The following CHODL variants were observed in gnomAD, a reference collection of about 807,000 sequenced individuals.
The protein encoded by CHODL is transmembrane protein MT75.
Under a neutral mutation model 34.5 loss-of-function variants are expected in CHODL, and 29 were observed. The observed-to-expected ratio is 0.84, with a 90% CI of 0.63 to 1.15. The LOEUF (loss-of-function observed/expected upper bound fraction) is 1.15. Ranked by LOEUF, CHODL falls within the 50% of genes most tolerant of loss-of-function variation. The probability of loss-of-function intolerance (pLI) is 0.00; values close to 1 mark genes in which losing one functional copy is unlikely to be tolerated. For missense variants in CHODL, 332 were observed against 332.5 expected (o/e 1.00, Z 0.01); for synonymous variants, 125 against 116.1 (o/e 1.08, Z -0.49).
chr21:17,957,263 T>A (rs923658302), intron 1 of CHODL, among the ~76,000 whole-genome samples: 1 of 152,164 alleles, frequency 6.6e-6, no homozygotes, highest in Non-Finnish European at 1.5e-5. Context: ...GTGTCTCATA[T>A]CTAGTTTCAT....
At chr21:18,036,200 C>T (rs1037297893) in intron 2 of CHODL, among the ~76,000 whole-genome samples, 17 of 151,984 alleles carry the variant, frequency 1.1e-4, no homozygotes, top group Admixed American at 2.6e-4. Flanking sequence ...AGTACTCTAC[C>T]TAATGACCTG....
At chr21:18,260,060 A>G in intron 3 of CHODL, 140 bp from the exon 4 acceptor site, 1 of 283,090 alleles carries the variant, frequency 3.5e-6, no homozygotes, top group Non-Finnish European at 6.3e-6. Context: ...ATTTAAATTC[A>G]GAATGTATTT....
At chr21:18,207,044 C>A (rs2073720357) in intron 2 of CHODL, among the ~76,000 whole-genome samples, 1 of 152,080 alleles carries the variant, frequency 6.6e-6, no homozygotes, top group East Asian at 1.9e-4. Flanking sequence ...CAGCCCCCAA[C>A]CCCTGACAGG....
At chr21:18,222,948 C>CT in intron 2 of CHODL, among the ~76,000 whole-genome samples, 1 of 152,166 alleles carries the variant, frequency 6.6e-6, no homozygotes. Context: ...AGTACAGTCC[C>CT]ATATTAGAGA....
At chr21:18,162,437 T>TC (rs1601089727) in intron 2 of CHODL, among the ~76,000 whole-genome samples, 1 of 85,816 alleles carries the variant, frequency 1.2e-5, no homozygotes, top group Non-Finnish European at 2.6e-5. Flanking sequence ...CTCTCTCTCT[T>TC]TCTCTTTCTC....
intron 2 of CHODL, among the ~76,000 whole-genome samples, chr21:18,123,890 A>G (rs972864112): frequency 6.6e-6 from 1 of 152,108 alleles, no homozygotes; most frequent in African/African-American, 2.4e-5. Flanking sequence ...TTTTGATACT[A>G]TAAAGCCTGC....
intron 2 of CHODL, among the ~76,000 whole-genome samples, chr21:18,116,724 A>G (rs2065417641): frequency 6.6e-6 from 1 of 152,164 alleles, no homozygotes; most frequent in Non-Finnish European, 1.5e-5. Context: ...CGCAGTTGAC[A>G]TGGGTGCTTC....
intron 2 of CHODL, among the ~76,000 whole-genome samples, chr21:18,093,166 A>G (rs888484936): frequency 2.0e-5 from 3 of 152,188 alleles, no homozygotes; most frequent in Non-Finnish European, 4.4e-5. Context: ...CTTACAGGCC[A>G]GGAGAGAGTG....
chr21:18,229,729 A>G (rs1051798336), intron 2 of CHODL, among the ~76,000 whole-genome samples: 4 of 152,136 alleles, frequency 2.6e-5, no homozygotes, highest in African/African-American at 9.7e-5. Context: ...TTCTGCCCAC[A>G]GAATGTATTC....
intron 2 of CHODL, among the ~76,000 whole-genome samples, chr21:18,223,575 C>T (rs918284258): frequency 6.6e-6 from 1 of 151,984 alleles, no homozygotes; most frequent in African/African-American, 2.4e-5. Flanking sequence ...TAAATATATG[C>T]CTCTATATTT....
intron 1 of CHODL, among the ~76,000 whole-genome samples, chr21:17,985,600 T>C (rs2063747341): frequency 6.6e-6 from 1 of 152,214 alleles, no homozygotes; most frequent in African/African-American, 2.4e-5. Flanking sequence ...TGCAATTTTA[T>C]GGTGACTACA....
At chr21:17,961,707 A>G (rs1343305988) in intron 1 of CHODL, among the ~76,000 whole-genome samples, 4 of 152,182 alleles carry the variant, frequency 2.6e-5, no homozygotes, top group African/African-American at 7.2e-5. Context: ...CTTTAACAAA[A>G]CCTTTAAAAG....
At chr21:18,094,685 C>G (rs149978505) in intron 2 of CHODL, among the ~76,000 whole-genome samples, 1 of 148,446 alleles carries the variant, frequency 6.7e-6, no homozygotes, top group African/African-American at 2.5e-5. Flanking sequence ...ATACCAAAAC[C>G]TATGGGATAC....
At chr21:17,945,588 G>A (rs2063400649) in intron 1 of CHODL, among the ~76,000 whole-genome samples, 1 of 152,102 alleles carries the variant, frequency 6.6e-6, no homozygotes, top group Admixed American at 6.6e-5. Flanking sequence ...AATGACAAAA[G>A]TCTATGGGAA....
intron 2 of CHODL, among the ~76,000 whole-genome samples, chr21:18,101,561 A>T (rs2065213806): frequency 6.6e-6 from 1 of 152,118 alleles, no homozygotes. Context: ...AAATTCTTGA[A>T]TTTTTTTGAG....
intron 2 of CHODL, among the ~76,000 whole-genome samples, chr21:18,086,714 C>G (rs2065011842): frequency 6.6e-6 from 1 of 152,140 alleles, no homozygotes; most frequent in Non-Finnish European, 1.5e-5. Flanking sequence ...CTGACCCAGT[C>G]TTTTGGCCCC....
At position 18,174,115 on chromosome 21, in the gene CHODL, A is replaced by C. The variant is rs866279631; in HGVS notation, c.-44-82394A>C. ...AAATACAGGATATATATATATATAT[A>C]TCTTGGTGTATATATATATATATAT... On this transcript the variant is annotated intron_variant, in intron 2 of 6. Coordinates refer to the CHODL transcript ENST00000400127. Among the ~76,000 whole-genome samples the C allele has an allele frequency of 2.2e-4, 14 of 63,256 alleles. 1 individual carries two copies. The East Asian group carries it at 6.5e-3, about 29-fold the overall frequency. The allele number at this position is 63,256 out of a possible 152,430, so 41.5% of individuals were successfully genotyped here. A position where few individuals can be genotyped will look rare whatever the true frequency, so the allele number is the denominator to read the frequency against.
intron 1 of CHODL, among the ~76,000 whole-genome samples, chr21:17,938,572 G>A (rs977367572): frequency 2.9e-5 from 4 of 139,786 alleles, no homozygotes; most frequent in African/African-American, 1.1e-4. Context: ...TCCGCCTCCC[G>A]GGTTCGCGCC....
chr21:17,977,346 G>A (rs1568826357), intron 1 of CHODL, among the ~76,000 whole-genome samples: 1 of 150,120 alleles, frequency 6.7e-6, no homozygotes, highest in African/African-American at 2.4e-5. Flanking sequence ...ACATGTTAAG[G>A]TGTTGTTGGC....
Sources: gnomAD v4.1 joint callset for allele counts (sites outside exome capture counted in the v4.1 genomes callset) on GRCh38, gnomAD v4.1.1 for gene constraint, MANE v1.5 for transcripts, NCBI Gene and HGNC (gene_info 2026-07-23, HGNC 2026-07-21) for gene names.